The following ADCY1 variants were observed in gnomAD, a reference collection of about 807,000 sequenced individuals.
The protein encoded by ADCY1 is adenylate cyclase 1.
In ADCY1, 28 loss-of-function variants were observed where a neutral mutation model predicts 105.4. The ratio of observed to expected loss-of-function variants is 0.27; its 90% CI spans 0.20 to 0.36. ADCY1 has a LOEUF of 0.36. ADCY1 is among the 10% of genes least tolerant of loss of function. The pLI is 1.00. For synonymous variants in ADCY1, 655 were observed against 623.8 expected (o/e 1.05, Z -0.75); for missense variants, 977 against 1,434.2 (o/e 0.68, Z 5.15).
chr7:45,694,202 G>A (rs555334804), intron 14 of ADCY1, among the ~76,000 whole-genome samples: 109 of 150,372 alleles, frequency 7.2e-4, no homozygotes, highest in Non-Finnish European at 1.0e-3. Context: ...AACAGAATAC[G>A]CATTCTATTC....
At chr7:45,657,936 A>G in intron 6 of ADCY1, 51 bp downstream of exon 6, 2 of 1,542,514 alleles carry the variant, frequency 1.3e-6, no homozygotes, top group Non-Finnish European at 1.8e-6. Context: ...ATGGCTGTGC[A>G]CCCCTGGGCT....
chr7:45,686,749 G>T lies in ADCY1; in HGVS notation c.2454+76G>T. On this transcript the variant is annotated intron_variant, in intron 14 of 19. Transcript: ENST00000297323. The surrounding 1 kb of genome is among the most constrained non-coding windows in gnomAD (Gnocchi z 4.3). ...GAAGTCTTCAGCAAGCATCTGACGGGGGCTGCCACAGACACCCACACGCCG... is the reference window on the plus strand; with the variant it reads ...GAAGTCTTCAGCAAGCATCTGACGGTGGCTGCCACAGACACCCACACGCCG... The T allele has an allele frequency of 6.6e-7, 1 of 1,521,756 alleles. No individual in the cohort carries two copies. The highest frequency in any genetic ancestry group is 8.8e-7 in the Non-Finnish European group (1 of 1,133,962). The allele number at this position is 1,521,756 out of a possible 1,614,324, so 94.3% of individuals were successfully genotyped here. A position where few individuals can be genotyped will look rare whatever the true frequency, so the allele number is the denominator to read the frequency against.
Position 45,703,827 on chromosome 7 carries a change from A to G in ADCY1, c.2718+81A>G. ...GCGTGGGCAGAGCGTGTCTCACAAT[A>G]TGTCACATTCTTCGTAGCTGGAATG... On this transcript the variant is annotated intron_variant, in intron 16 of 19. Transcript: ENST00000297323. The surrounding 1 kb of genome is among the most constrained non-coding windows in gnomAD (Gnocchi z 5.9). 1 of 1,484,204 alleles carries G rather than the reference A, an allele frequency of 6.7e-7. No individual in the cohort carries two copies. The highest frequency in any genetic ancestry group is 9.0e-7 in the Non-Finnish European group (1 of 1,107,282). The allele number at this position is 1,484,204 out of a possible 1,614,324, so 91.9% of individuals were successfully genotyped here.
intron 14 of ADCY1, among the ~76,000 whole-genome samples, chr7:45,689,567 G>A (rs1042717817): frequency 6.6e-6 from 1 of 152,126 alleles, no homozygotes; most frequent in South Asian, 2.1e-4. Context: ...CGCGAGAAAG[G>A]ATAGCACCAA....
At chr7:45,642,497 C>T (rs1173976019) in intron 4 of ADCY1, among the ~76,000 whole-genome samples, 1 of 152,114 alleles carries the variant, frequency 6.6e-6, no homozygotes, top group Admixed American at 6.5e-5. Context: ...TTTTGGCCCC[C>T]CATCCTCTGT....
At chr7:45,624,006 G>T (rs772325220) in intron 4 of ADCY1, among the ~76,000 whole-genome samples, 2 of 152,230 alleles carry the variant, frequency 1.3e-5, no homozygotes, top group Non-Finnish European at 2.9e-5. Flanking sequence ...GGGGCGCTGA[G>T]ATCAGTGTGA....
At chr7:45,665,225 A>G (rs1188440696) in intron 8 of ADCY1, among the ~76,000 whole-genome samples, 2 of 152,270 alleles carry the variant, frequency 1.3e-5, no homozygotes, top group Non-Finnish European at 2.9e-5. Flanking sequence ...TTTCTGTTAT[A>G]TTTAAATGAA....
chr7:45,576,615 C>G (rs564404193), intron 1 of ADCY1, among the ~76,000 whole-genome samples: 1 of 152,124 alleles, frequency 6.6e-6, no homozygotes, highest in Non-Finnish European at 1.5e-5. Flanking sequence ...GGGAAGGAGG[C>G]TCTTCCACAG....
intron 10 of ADCY1, 107 bp downstream of exon 10, chr7:45,678,370 A>C: frequency 6.6e-6 from 7 of 1,057,486 alleles, no homozygotes; most frequent in Non-Finnish European, 1.0e-5. Flanking sequence ...TGTATGCTCA[A>C]GCTTCGTCTC....
At chr7:45,671,225 A>G (rs765862655) in intron 8 of ADCY1, among the ~76,000 whole-genome samples, 1 of 152,168 alleles carries the variant, frequency 6.6e-6, no homozygotes, top group Non-Finnish European at 1.5e-5. Flanking sequence ...TTCATCCAGC[A>G]TTATGCCCCT....
intron 4 of ADCY1, among the ~76,000 whole-genome samples, chr7:45,635,624 TTTTTTC>T (rs1794383107): frequency 6.9e-6 from 1 of 145,196 alleles, no homozygotes; most frequent in East Asian, 2.1e-4. Flanking sequence ...TTTTTTTTTT[TTTTTTC>T]CAGACCCATG....
chr7:45,618,068 T>A (rs1408508396), intron 3 of ADCY1, among the ~76,000 whole-genome samples: 1 of 152,130 alleles, frequency 6.6e-6, no homozygotes, highest in African/African-American at 2.4e-5. Context: ...AACCCAGAAG[T>A]AAATCCATGT....
intron 11 of ADCY1, among the ~76,000 whole-genome samples, chr7:45,682,222 T>C (rs1475523635): frequency 6.6e-6 from 1 of 152,010 alleles, no homozygotes; most frequent in Non-Finnish European, 1.5e-5. Flanking sequence ...GGTGGGGCAG[T>C]GGGTGTAGCT....
intron 14 of ADCY1, among the ~76,000 whole-genome samples, chr7:45,698,434 G>C (rs976211607): frequency 3.3e-5 from 5 of 152,174 alleles, no homozygotes. Flanking sequence ...GATCTAAAAA[G>C]GGCTTTTCAT....
intron 4 of ADCY1, among the ~76,000 whole-genome samples, chr7:45,641,995 G>T (rs550153935): frequency 2.2e-4 from 33 of 150,898 alleles, no homozygotes; most frequent in African/African-American, 8.0e-4. Context: ...CAAATGAGAT[G>T]GACATATGTC....
At position 45,684,881 on chromosome 7, in the gene ADCY1, C is replaced by T. The variant is rs530072140; in HGVS notation, c.1984-98C>T. The T allele has an allele frequency of 2.6e-5, 27 of 1,051,716 alleles. No individual in the cohort carries two copies. In the East Asian group the frequency reaches 6.5e-4, roughly 25 times the overall value. 65.1% of individuals were successfully genotyped at this position (1,051,716 alleles called of 1,614,324 possible). ...AAACGGATGTGGACCTAGCAGCTTG[C>T]AGGTCATCTGCACATTCCACTATAG... On this transcript the variant is annotated intron_variant, in intron 11 of 19. Transcript: ENST00000297323.
At position 45,715,987 on chromosome 7, in the gene ADCY1, C is replaced by T. The variant is rs1412893668; in HGVS notation, c.*1992C>T. On this transcript the variant is annotated 3_prime_UTR_variant, in exon 20 of 20. Transcript: ENST00000297323. ...GACAGGGAGCTCCCAGGCCAGGCCA[C>T]ATGACCCCACAGGTAGGCTGACCCC... 6.5e-6 allele frequency: 1 copy of T among 152,830 alleles called. No individual in the cohort carries two copies. Among genetic ancestry groups the T allele is most frequent in the Non-Finnish European group, 1.5e-5 (1 of 68,584 alleles). 9.5% of individuals were successfully genotyped at this position (152,830 alleles called of 1,614,324 possible).
At position 45,708,573 on chromosome 7, in the gene ADCY1, G is replaced by A. The variant is rs1785167367; in HGVS notation, c.2932+109G>A. 6.1e-6 allele frequency: 5 copies of A among 823,154 alleles called. No homozygotes were observed. In the East Asian group the frequency reaches 7.7e-5, roughly 13 times the overall value. 51.0% of individuals were successfully genotyped at this position (823,154 alleles called of 1,614,324 possible). ...CCCTGGTCTTACAGGAAGGAGGGTG[G>A]TGCCACCCAGGAGGGCATGGGGACC... On this transcript the variant is annotated intron_variant, in intron 18 of 19. Coordinates refer to ENST00000297323, the MANE Select transcript of ADCY1 (RefSeq NM_021116.4). This position sits in a 1 kb window ranked among gnomAD's most constrained non-coding sequence, Gnocchi z 4.7.
chr7:45,670,585 A>G (rs991201358), intron 8 of ADCY1, among the ~76,000 whole-genome samples: 1 of 152,008 alleles, frequency 6.6e-6, no homozygotes, highest in African/African-American at 2.4e-5. Flanking sequence ...ACTCGTGTCC[A>G]TCATTCCGTG....
Sources: allele counts gnomAD v4.1 joint callset (sites outside exome capture counted in the v4.1 genomes callset), GRCh38; gene constraint gnomAD v4.1.1; non-coding constraint Gnocchi (gnomAD v3.1); transcripts MANE v1.5; gene names NCBI Gene and HGNC (gene_info 2026-07-23, HGNC 2026-07-21).